Variants in GRIA1 observed in about 807,000 individuals in gnomAD.
GRIA1 encodes glutamate ionotropic receptor AMPA type subunit 1.
GRIA1 carries 31 observed loss-of-function variants against 99.2 expected under a neutral mutation model. That is an observed-to-expected ratio of 0.31 (90% CI 0.23 to 0.42). GRIA1 has a LOEUF of 0.42. GRIA1 is among the 10% of genes least tolerant of loss of function. The probability of loss-of-function intolerance (pLI) is 1.00; values close to 1 mark genes in which losing one functional copy is unlikely to be tolerated. For synonymous variants in GRIA1, 438 were observed against 432.4 expected (o/e 1.01, Z -0.16); for missense variants, 782 against 1,157.5 (o/e 0.68, Z 4.71).
chr5:153,569,367 A>T (rs1266468249), intron 2 of GRIA1, among the ~76,000 whole-genome samples: 1 of 152,232 alleles, frequency 6.6e-6, no homozygotes, highest in African/African-American at 2.4e-5. Context: ...GCAGTCTCAG[A>T]TCAGCTGGGT....
chr5:153,698,395 C>T (rs1261546202), intron 9 of GRIA1, among the ~76,000 whole-genome samples: 3 of 152,196 alleles, frequency 2.0e-5, no homozygotes, highest in Admixed American at 2.0e-4. Context: ...CTTGAGCCAG[C>T]TTTCCCATAT....
chr5:153,625,290 T>C (rs1313783191), intron 2 of GRIA1, among the ~76,000 whole-genome samples: 1 of 152,196 alleles, frequency 6.6e-6, no homozygotes, highest in Non-Finnish European at 1.5e-5. Flanking sequence ...ACTGTATGAC[T>C]TTGGGCAAGG....
chr5:153,760,709 A>G (rs532965240), intron 11 of GRIA1, among the ~76,000 whole-genome samples: 31 of 152,342 alleles, frequency 2.0e-4, no homozygotes, highest in Non-Finnish European at 3.1e-4. Context: ...AAGACCCTGA[A>G]GAGCCAAGGC....
chr5:153,811,103 G>A lies in GRIA1; in HGVS notation c.2599G>A (p.Ala867Thr), dbSNP rs139474308. Reference sequence around the variant, plus strand: ...CCTCCCCCGCAACAGCGGGGCAGGAGCCAGCAGCGGCGGCAGTGGAGAGAA... The same window carrying A: ...CCTCCCCCGCAACAGCGGGGCAGGAACCAGCAGCGGCGGCAGTGGAGAGAA... The part of the protein sequence containing the change: ...STLPRNSGAG[A>T]SSGGSGENGR... Residue 867 changes from alanine to threonine, a missense_variant, in exon 16 of 16, where the codon GCC (alanine) becomes ACC (threonine). By Grantham distance (58) the Ala-to-Thr change is moderately conservative (BLOSUM62 0). Coordinates refer to ENST00000285900, the MANE Select transcript of GRIA1 (RefSeq NM_000827.4). 4 of 1,613,926 alleles carry A rather than the reference G, an allele frequency of 2.5e-6. No homozygotes were observed. Among genetic ancestry groups the A allele is most frequent in the Non-Finnish European group, 3.4e-6 (4 of 1,179,902 alleles).
chr5:153,494,829 A>G (rs1306271522), intron 2 of GRIA1, among the ~76,000 whole-genome samples: 1 of 152,236 alleles, frequency 6.6e-6, no homozygotes, highest in Non-Finnish European at 1.5e-5. Flanking sequence ...ATCAGGAAAC[A>G]TATTTTCCCT....
At chr5:153,590,464 T>C (rs1763866806) in intron 2 of GRIA1, among the ~76,000 whole-genome samples, 1 of 151,442 alleles carries the variant, frequency 6.6e-6, no homozygotes, top group Admixed American at 6.6e-5. Flanking sequence ...GTGAGTATTG[T>C]TGATGAACTC....
intron 10 of GRIA1, among the ~76,000 whole-genome samples, chr5:153,701,112 T>A (rs1279612834): frequency 6.6e-6 from 1 of 152,210 alleles, no homozygotes; most frequent in Non-Finnish European, 1.5e-5. Context: ...GCATTTATCT[T>A]CACCTTCACC....
At chr5:153,602,394 T>G (rs1391382275) in intron 2 of GRIA1, among the ~76,000 whole-genome samples, 98 of 126,612 alleles carry the variant, frequency 7.7e-4, no homozygotes, top group Admixed American at 1.3e-3. Flanking sequence ...GTGGGGGGAG[T>G]GGGGAGGGAT....
At chr5:153,543,294 C>A (rs142124639) in intron 2 of GRIA1, among the ~76,000 whole-genome samples, 2 of 152,212 alleles carry the variant, frequency 1.3e-5, no homozygotes, top group African/African-American at 4.8e-5. Context: ...ATGATAGTAA[C>A]AAATGAGGAT....
At chr5:153,804,271 A>T (rs998704516) in intron 15 of GRIA1, among the ~76,000 whole-genome samples, 1 of 152,154 alleles carries the variant, frequency 6.6e-6, no homozygotes, top group African/African-American at 2.4e-5. Context: ...AATGACAAGA[A>T]CTACAAAGGC....
At chr5:153,706,305 G>A (rs1758893200) in intron 11 of GRIA1, 1 of 536,182 alleles carries the variant, frequency 1.9e-6, no homozygotes, top group East Asian at 3.3e-5. Context: ...AAGGTTAATA[G>A]GCATAATTAT....
At chr5:153,774,063 C>A (rs1764054617) in intron 13 of GRIA1, among the ~76,000 whole-genome samples, 1 of 81,766 alleles carries the variant, frequency 1.2e-5, no homozygotes, top group Non-Finnish European at 2.4e-5. Context: ...TCCTACACCC[C>A]AACCCCCCCT....
chr5:153,639,877 G>A (rs1257989209), intron 2 of GRIA1, among the ~76,000 whole-genome samples: 1 of 152,206 alleles, frequency 6.6e-6, no homozygotes, highest in Admixed American at 6.5e-5. Context: ...GAGTACAAAA[G>A]TTCTATTACA....
intron 5 of GRIA1, among the ~76,000 whole-genome samples, chr5:153,671,354 T>A (rs1756160524): frequency 6.6e-6 from 1 of 152,250 alleles, no homozygotes; most frequent in African/African-American, 2.4e-5. Context: ...CTCCCAGTAG[T>A]TACTTTATGA....
chr5:153,620,122 G>A (rs1023087857), intron 2 of GRIA1, among the ~76,000 whole-genome samples: 3 of 152,118 alleles, frequency 2.0e-5, no homozygotes, highest in Non-Finnish European at 4.4e-5. Flanking sequence ...AATACAAAAT[G>A]CAAGATTAGA....
intron 2 of GRIA1, among the ~76,000 whole-genome samples, chr5:153,620,149 C>G (rs1315255047): frequency 6.6e-6 from 1 of 152,152 alleles, no homozygotes; most frequent in Non-Finnish European, 1.5e-5. Flanking sequence ...AGCATTACCC[C>G]TCTGTAGGTC....
intron 2 of GRIA1, among the ~76,000 whole-genome samples, chr5:153,629,214 T>C (rs912259292): frequency 6.6e-6 from 1 of 152,178 alleles, no homozygotes; most frequent in Non-Finnish European, 1.5e-5. Flanking sequence ...CCTCATTTCC[T>C]CTTCCCTCCC....
intron 2 of GRIA1, among the ~76,000 whole-genome samples, chr5:153,643,709 T>C (rs935405277): frequency 6.6e-6 from 1 of 152,200 alleles, no homozygotes; most frequent in Non-Finnish European, 1.5e-5. Context: ...CAAGCCATGC[T>C]CTTTTAGGGA....
chr5:153,685,878 A>G (rs34279450), intron 7 of GRIA1, among the ~76,000 whole-genome samples: 15,456 of 152,202 alleles, frequency 0.1, 965 homozygotes, highest in Non-Finnish European at 0.14. Flanking sequence ...CTTCATCTTC[A>G]GATGTGTATC....
Sources: gnomAD v4.1 joint callset for allele counts (sites outside exome capture counted in the v4.1 genomes callset) on GRCh38, gnomAD v4.1.1 for gene constraint, MANE v1.5 for transcripts, NCBI Gene and HGNC (gene_info 2026-07-23, HGNC 2026-07-21) for gene names.